RBFOX2: variants seen among roughly 807,000 people sequenced by gnomAD.
The protein encoded by RBFOX2 is RNA binding protein fox-1 homolog 2.
A neutral mutation model predicts 49.1 loss-of-function variants in RBFOX2; 10 were observed. The observed-to-expected ratio is 0.20, with a 90% CI of 0.13 to 0.35. The LOEUF is 0.35. Among genes scored for constraint, RBFOX2 ranks in the 10% least tolerant of loss-of-function variants. RBFOX2 has a pLI of 1.00. For missense variants in RBFOX2, 323 were observed against 486.9 expected (o/e 0.66, Z 3.17); for synonymous variants, 183 against 187.4 (o/e 0.98, Z 0.19).
intron 1 of RBFOX2, among the ~76,000 whole-genome samples, chr22:35,812,683 A>C (rs1348645055): frequency 2.6e-5 from 4 of 152,244 alleles, no homozygotes; most frequent in African/African-American, 9.6e-5. Context: ...GGAATCCATA[A>C]GAAAGTTCTA....
intron 1 of RBFOX2, among the ~76,000 whole-genome samples, chr22:35,855,975 C>T (rs183066958): frequency 1.3e-5 from 2 of 150,554 alleles, no homozygotes; most frequent in Admixed American, 6.6e-5. Flanking sequence ...CCACTGAACT[C>T]GAGCCTAGGA....
At chr22:35,816,136 C>T (rs1193952935) in intron 1 of RBFOX2, among the ~76,000 whole-genome samples, 1 of 152,120 alleles carries the variant, frequency 6.6e-6, no homozygotes, top group Non-Finnish European at 1.5e-5. Flanking sequence ...CAGATAAACA[C>T]ATACAAAGAC....
At chr22:35,914,091 G>A (rs548390998) in intron 1 of RBFOX2, among the ~76,000 whole-genome samples, 3 of 152,266 alleles carry the variant, frequency 2.0e-5, no homozygotes, top group South Asian at 4.1e-4. Flanking sequence ...GAAAATGCTG[G>A]CAGGACTTCT....
rs115273592 is a variant in RBFOX2 at position 35,770,881 on chromosome 22, A to G, written c.454-2532T>C. 3.1e-3 allele frequency among the ~76,000 whole-genome samples: 470 copies of G among 152,280 alleles called. 1 individual carries two copies. Among genetic ancestry groups the G allele is most frequent in the African/African-American group, 0.011 (439 of 41,546 alleles). On this transcript the variant is annotated intron_variant, in intron 4 of 11. Transcript: ENST00000405409. ...TTCAAATGTTTTAAAAGTGTTTTAT[A>G]AAGAAAGATGCTTATACACCAAAGG...
At chr22:35,826,683 G>T (rs1363712591) in intron 1 of RBFOX2, among the ~76,000 whole-genome samples, 1 of 152,142 alleles carries the variant, frequency 6.6e-6, no homozygotes, top group East Asian at 1.9e-4. Context: ...CAGGGCATAT[G>T]CTCCAAGACT....
intron 1 of RBFOX2, among the ~76,000 whole-genome samples, chr22:35,835,334 T>C (rs1472121330): frequency 2.0e-5 from 3 of 152,146 alleles, no homozygotes; most frequent in Non-Finnish European, 4.4e-5. Flanking sequence ...GTATGACTGG[T>C]TCCCAGAAAC....
At chr22:35,852,850 A>G (rs1160019669) in intron 1 of RBFOX2, among the ~76,000 whole-genome samples, 1 of 152,238 alleles carries the variant, frequency 6.6e-6, no homozygotes, top group Admixed American at 6.5e-5. Flanking sequence ...AAGATGAAAG[A>G]CTGTAATTCA....
chr22:35,990,138 G>C (rs145868806), intron 1 of RBFOX2, among the ~76,000 whole-genome samples: 1 of 152,096 alleles, frequency 6.6e-6, no homozygotes, highest in Non-Finnish European at 1.5e-5. Flanking sequence ...AGCAGAGATC[G>C]TGCCACTGCA....
intron 3 of RBFOX2, among the ~76,000 whole-genome samples, chr22:35,779,276 T>C (rs892760020): frequency 6.6e-6 from 1 of 152,218 alleles, no homozygotes; most frequent in Non-Finnish European, 1.5e-5. Flanking sequence ...AGATATCTTT[T>C]TGGCTTATAT....
chr22:35,745,765 A>C (rs939100509), intron 11 of RBFOX2, among the ~76,000 whole-genome samples, 158 bp downstream of exon 13: 3 of 152,194 alleles, frequency 2.0e-5, no homozygotes, highest in African/African-American at 7.2e-5. Context: ...CACACAAATA[A>C]AGAGGGTGAC....
chr22:35,810,708 G>C (rs1268080315), intron 1 of RBFOX2, among the ~76,000 whole-genome samples: 1 of 152,070 alleles, frequency 6.6e-6, no homozygotes, highest in Non-Finnish European at 1.5e-5. Context: ...GTTTTATTAT[G>C]ATATAACTGT....
chr22:35,882,206 A>G (rs2045995814), intron 1 of RBFOX2, among the ~76,000 whole-genome samples: 1 of 152,162 alleles, frequency 6.6e-6, no homozygotes, highest in African/African-American at 2.4e-5. Flanking sequence ...GAAAATCAGG[A>G]AAGTATGATG....
At chr22:35,926,698 T>G (rs2051679852) in intron 1 of RBFOX2, among the ~76,000 whole-genome samples, 1 of 152,190 alleles carries the variant, frequency 6.6e-6, no homozygotes, top group South Asian at 2.1e-4. Flanking sequence ...CAGCCATATT[T>G]TTAATACTTC....
Position 36,028,502 on chromosome 22 carries a change from G to A in RBFOX2, c.-77C>T, listed in dbSNP as rs897244868. On this transcript the variant is annotated 5_prime_UTR_variant, in exon 1 of 14. Transcript: ENST00000438146. ...CTCCCCCTGGGCCTCGGCCCCGACT[G>A]TCGCGACAGGCGGGCGCGCGCCTGC... is the stretch of plus-strand genomic sequence containing the variant. 348 of 1,062,484 alleles carry A rather than the reference G, an allele frequency of 3.3e-4. 1 individual carries two copies. Among genetic ancestry groups the A allele is most frequent in the Middle Eastern group, 3.0e-3 (7 of 2,306 alleles). 65.8% of individuals were successfully genotyped at this position (1,062,484 alleles called of 1,614,324 possible).
intron 4 of RBFOX2, among the ~76,000 whole-genome samples, chr22:35,774,134 A>G (rs2899257): frequency 5.3e-4 from 80 of 152,178 alleles, no homozygotes; most frequent in Middle Eastern, 3.4e-3. Flanking sequence ...TACCCAAAGC[A>G]TATATAAGGA....
intron 4 of RBFOX2, 111 bp downstream of exon 5, chr22:35,777,914 A>ATGGGG (rs1444902598): frequency 9.1e-6 from 10 of 1,103,734 alleles, no homozygotes; most frequent in Non-Finnish European, 1.3e-5. Context: ...GATAATTAGG[A>ATGGGG]TACTTTTATG....
intron 1 of RBFOX2, among the ~76,000 whole-genome samples, chr22:35,948,580 C>G (rs950128441): frequency 1.3e-5 from 2 of 151,922 alleles, no homozygotes; most frequent in African/African-American, 4.8e-5. Flanking sequence ...AGCTACCTGA[C>G]AGGCTGAAAT....
At chr22:35,850,364 A>G (rs2041803055) in intron 1 of RBFOX2, among the ~76,000 whole-genome samples, 1 of 152,146 alleles carries the variant, frequency 6.6e-6, no homozygotes, top group South Asian at 2.1e-4. Context: ...ATGACACTGT[A>G]TGTTTTTGTA....
intron 4 of RBFOX2, among the ~76,000 whole-genome samples, chr22:35,775,505 A>G (rs1478510619): frequency 6.6e-6 from 1 of 152,146 alleles, no homozygotes; most frequent in African/African-American, 2.4e-5. Flanking sequence ...ATTACTTTCA[A>G]ATGAGTTACA....
Sources: gnomAD v4.1 joint callset for allele counts (sites outside exome capture counted in the v4.1 genomes callset) on GRCh38, gnomAD v4.1.1 for gene constraint, MANE v1.5 for transcripts, NCBI Gene and HGNC (gene_info 2026-07-23, HGNC 2026-07-21) for gene names.